The following TDRD7 variants were observed in gnomAD, a reference collection of about 807,000 sequenced individuals.
TDRD7 encodes the protein tudor domain-containing protein 7.
Under a neutral mutation model 109.8 loss-of-function variants are expected in TDRD7, and 47 were observed. The observed-to-expected ratio is 0.43, with a 90% CI of 0.34 to 0.55. The LOEUF is 0.55. Among genes scored for constraint, TDRD7 ranks in the 20% least tolerant of loss-of-function variants. The probability of loss-of-function intolerance (pLI) is 0.03; values close to 1 mark genes in which losing one functional copy is unlikely to be tolerated. For missense variants in TDRD7, 1,164 were observed against 1,319.2 expected (o/e 0.88, Z 1.82); for synonymous variants, 424 against 457.3 (o/e 0.93, Z 0.93).
At chr9:97,463,056 A>G (rs1001041064) in intron 7 of TDRD7, among the ~76,000 whole-genome samples, 1 of 152,234 alleles carries the variant, frequency 6.6e-6, no homozygotes, top group Non-Finnish European at 1.5e-5. Context: ...CTTCTGGAGG[A>G]CTTCAGAGCC....
intron 6 of TDRD7, among the ~76,000 whole-genome samples, chr9:97,444,428 A>C (rs866930782): frequency 5.9e-5 from 9 of 152,260 alleles, no homozygotes; most frequent in Non-Finnish European, 1.3e-4. Context: ...AGTTTTAGAC[A>C]GTTAAACCAT....
intron 6 of TDRD7, among the ~76,000 whole-genome samples, chr9:97,454,155 T>C (rs1828559216): frequency 6.6e-6 from 1 of 152,162 alleles, no homozygotes; most frequent in South Asian, 2.1e-4. Flanking sequence ...AGTAAAATGC[T>C]CCTCAGCAAA....
intron 6 of TDRD7, among the ~76,000 whole-genome samples, chr9:97,455,319 A>G (rs966149370): frequency 2.0e-5 from 3 of 152,212 alleles, no homozygotes; most frequent in African/African-American, 7.2e-5. Flanking sequence ...GCCCTAACTC[A>G]TTTTATGAAG....
intron 7 of TDRD7, 107 bp downstream of exon 7, chr9:97,460,871 G>A (rs1828706954): frequency 3.8e-6 from 4 of 1,066,580 alleles, no homozygotes; most frequent in Non-Finnish European, 5.6e-6. Flanking sequence ...GCCGGGTGCG[G>A]TGGCTCACAC....
At chr9:97,438,472 C>CT (rs1225429854) in intron 4 of TDRD7, among the ~76,000 whole-genome samples, 2 of 152,120 alleles carry the variant, frequency 1.3e-5, no homozygotes, top group African/African-American at 4.8e-5. Flanking sequence ...TTCAGTCATT[C>CT]TTACAATATT....
chr9:97,484,633 C>G (rs755247780), intron 15 of TDRD7, among the ~76,000 whole-genome samples: 1 of 152,108 alleles, frequency 6.6e-6, no homozygotes, highest in South Asian at 2.1e-4. Context: ...CTCAGTGAAG[C>G]GTATAAAAGC....
At chr9:97,483,444 G>A (rs1829158293) in intron 15 of TDRD7, 93 bp downstream of exon 15, 2 of 1,416,482 alleles carry the variant, frequency 1.4e-6, no homozygotes, top group Non-Finnish European at 1.9e-6. Flanking sequence ...ACTTCGAACT[G>A]TACTAATGGG....
In TDRD7 at chr9:97,487,156, T is replaced by A; in HGVS notation, c.2916-16T>A. The A allele has an allele frequency of 6.2e-7, 1 of 1,613,856 alleles. No homozygotes were observed. The highest frequency in any genetic ancestry group is 8.5e-7 in the Non-Finnish European group (1 of 1,179,780). The stretch of plus-strand genomic sequence containing the variant: ...TTATGTGTTTTCTCTTCCTTTTTAA[T>A]TTAATGTACATCTAGGTGGCACAGG... On this transcript the variant is annotated splice_polypyrimidine_tract_variant and intron_variant, in intron 15 of 16. Coordinates refer to ENST00000355295, the MANE Select transcript of TDRD7 (RefSeq NM_014290.3).
At chr9:97,448,663 A>G (rs1200241629) in intron 6 of TDRD7, among the ~76,000 whole-genome samples, 6 of 152,186 alleles carry the variant, frequency 3.9e-5, no homozygotes, top group Non-Finnish European at 8.8e-5. Context: ...GCTCATAACC[A>G]TTATTAATGC....
At chr9:97,483,959 T>C (rs1380848607) in intron 15 of TDRD7, among the ~76,000 whole-genome samples, 1 of 152,210 alleles carries the variant, frequency 6.6e-6, no homozygotes, top group Non-Finnish European at 1.5e-5. Context: ...ATAATTTACT[T>C]ACCATTCTAT....
chr9:97,428,392 C>G, intron 1 of TDRD7, 68 bp from the exon 2 acceptor site: 1 of 1,489,148 alleles, frequency 6.7e-7, no homozygotes, highest in Admixed American at 1.7e-5. Flanking sequence ...AGTTTCAGCT[C>G]TGAAAATCTA....
At chr9:97,452,522 C>G (rs565732667) in intron 6 of TDRD7, among the ~76,000 whole-genome samples, 1 of 152,232 alleles carries the variant, frequency 6.6e-6, no homozygotes. Flanking sequence ...ATTCAAGGAA[C>G]TGGTCATTAG....
chr9:97,425,505 A>G (rs943487431), intron 1 of TDRD7, among the ~76,000 whole-genome samples: 3 of 152,178 alleles, frequency 2.0e-5, no homozygotes, highest in African/African-American at 7.2e-5. Context: ...ACTAGGCTAT[A>G]CCATCTAGGT....
chr9:97,435,013 T>G (rs1465255941), intron 4 of TDRD7, among the ~76,000 whole-genome samples: 1 of 152,000 alleles, frequency 6.6e-6, no homozygotes, highest in Non-Finnish European at 1.5e-5. Flanking sequence ...GGTTAAGGAT[T>G]TGGGTGATTT....
chr9:97,485,491 CACCAATTTGCCCTGT>C (rs1352402203), intron 15 of TDRD7, among the ~76,000 whole-genome samples: 1 of 152,202 alleles, frequency 6.6e-6, no homozygotes, highest in African/African-American at 2.4e-5. Context: ...CACAGACCAC[CACCAATTTGCCCTGT>C]ACAATTTTAA....
At chr9:97,488,531 G>C (rs528456499) in intron 16 of TDRD7, among the ~76,000 whole-genome samples, 1 of 149,346 alleles carries the variant, frequency 6.7e-6, no homozygotes, top group African/African-American at 2.5e-5. Flanking sequence ...GTGTGGTTTA[G>C]ATTCAGACCT....
intron 4 of TDRD7, among the ~76,000 whole-genome samples, chr9:97,438,570 A>T (rs10125127): frequency 0.027 from 4,046 of 152,324 alleles, 184 homozygotes; most frequent in African/African-American, 0.092. Context: ...GGAAACAGAC[A>T]TGAATATAAA....
rs1165397755 is a variant in TDRD7, at chr9:97,464,928, C to T, written c.1529C>T (p.Pro510Leu). 6.2e-7 allele frequency: 1 copy of T among 1,614,020 alleles called. No homozygotes were observed. Among genetic ancestry groups the T allele is most frequent in the Non-Finnish European group, 8.5e-7 (1 of 1,180,030 alleles). ...TACAGTAAGAATCCTAAGATCACAC[C>T]AGTCCAGGCTGTGAATGTTGGGCAG... ...EYYSKNPKIT[P>L]VQAVNVGQLL... Residue 510 changes from proline to leucine, a missense_variant, in exon 8 of 17, where the codon CCA becomes CTA. Pro to Leu is a moderately conservative substitution (Grantham distance 98). Coordinates refer to ENST00000355295, the MANE Select transcript of TDRD7 (RefSeq NM_014290.3).
At chr9:97,439,880 T>C (rs999421727) in intron 5 of TDRD7, among the ~76,000 whole-genome samples, 22 of 152,200 alleles carry the variant, frequency 1.4e-4, no homozygotes, top group Non-Finnish European at 8.8e-5. Flanking sequence ...AGGTTAGAAA[T>C]GCAACCACTT....
Sources: allele counts gnomAD v4.1 joint callset (sites outside exome capture counted in the v4.1 genomes callset), GRCh38; gene constraint gnomAD v4.1.1; transcripts MANE v1.5; gene names NCBI Gene and HGNC (gene_info 2026-07-23, HGNC 2026-07-21).